Variants in MICU2 observed in about 807,000 individuals in gnomAD.
MICU2 encodes the protein mitochondrial calcium uptake 2.
MICU2 carries 64 observed loss-of-function variants against 60.4 expected under a neutral mutation model. That is an observed-to-expected ratio of 1.06 (90% confidence interval 0.87 to 1.31). MICU2 has a LOEUF of 1.31. Ranked by LOEUF, MICU2 falls within the 50% of genes most tolerant of loss-of-function variation. MICU2 has a pLI of 0.00. For synonymous variants in MICU2, 201 were observed against 175.0 expected (o/e 1.15, Z -1.17); for missense variants, 569 against 531.0 (o/e 1.07, Z -0.70).
chr13:21,588,403 A>G (rs190004151), intron 1 of MICU2, among the ~76,000 whole-genome samples: 77 of 152,148 alleles, frequency 5.1e-4, no homozygotes, highest in African/African-American at 1.7e-3. Context: ...CTTTTCCAGG[A>G]CCCTACAGCC....
chr13:21,516,450 A>G (rs1284867044), intron 6 of MICU2, among the ~76,000 whole-genome samples: 2 of 152,202 alleles, frequency 1.3e-5, no homozygotes, highest in Non-Finnish European at 2.9e-5. Flanking sequence ...ATATACCACT[A>G]TTTATTCAAT....
chr13:21,582,892 G>C (rs1208413304), intron 1 of MICU2: 1 of 177,876 alleles, frequency 5.6e-6, no homozygotes, highest in Admixed American at 6.0e-5. Context: ...CATCTGTAAG[G>C]GCGCACTCTT....
At chr13:21,545,671 CT>C (rs1268021804) in intron 2 of MICU2, among the ~76,000 whole-genome samples, 1 of 146,900 alleles carries the variant, frequency 6.8e-6, no homozygotes, top group African/African-American at 2.5e-5. Context: ...AAAACTCCAT[CT>C]AAAAAAAAAA....
intron 11 of MICU2, among the ~76,000 whole-genome samples, chr13:21,494,698 T>C (rs1468206797): frequency 2.6e-5 from 4 of 152,128 alleles, no homozygotes; most frequent in African/African-American, 4.8e-5. Flanking sequence ...TGATTTTTTT[T>C]CCCTTTTTTT....
At chr13:21,564,823 T>C (rs111974648) in intron 2 of MICU2, among the ~76,000 whole-genome samples, 7 of 152,272 alleles carry the variant, frequency 4.6e-5, no homozygotes, top group African/African-American at 1.7e-4. Context: ...CTGGCAGAGT[T>C]CCTCAAGGTA....
intron 2 of MICU2, among the ~76,000 whole-genome samples, chr13:21,557,877 T>C (rs918890938): frequency 6.6e-6 from 1 of 152,240 alleles, no homozygotes; most frequent in African/African-American, 2.4e-5. Context: ...TTATAATCTT[T>C]AATCATGGTT....
chr13:21,570,414 T>C (rs1333493339), intron 1 of MICU2, among the ~76,000 whole-genome samples: 1 of 152,212 alleles, frequency 6.6e-6, no homozygotes, highest in Non-Finnish European at 1.5e-5. Context: ...TAACCTTTTA[T>C]TCATCTGTCA....
At chr13:21,577,573 C>T (rs1200109768) in intron 1 of MICU2, among the ~76,000 whole-genome samples, 2 of 151,652 alleles carry the variant, frequency 1.3e-5, no homozygotes, top group South Asian at 2.1e-4. Context: ...TTTGGGAGGC[C>T]GATGTGGGTG....
chr13:21,533,619 G>A (rs1476934107), intron 4 of MICU2, among the ~76,000 whole-genome samples: 2 of 152,028 alleles, frequency 1.3e-5, no homozygotes, highest in South Asian at 2.1e-4. Context: ...CACTGCGCCC[G>A]GACAAGGCAG....
chr13:21,509,574 A>T (rs1350455032), intron 8 of MICU2, among the ~76,000 whole-genome samples: 1 of 152,206 alleles, frequency 6.6e-6, no homozygotes, highest in African/African-American at 2.4e-5. Context: ...CCATCAGCAG[A>T]CTGCAAATGC....
At chr13:21,495,435 TAAAACA>T in intron 10 of MICU2, 117 bp from the exon 11 acceptor site, 1 of 1,116,332 alleles carries the variant, frequency 9.0e-7, no homozygotes, top group Non-Finnish European at 1.2e-6. Flanking sequence ...ATTTGGGAAG[TAAAACA>T]AAAACAAAAA....
At chr13:21,581,384 C>T (rs1888345184) in intron 1 of MICU2, among the ~76,000 whole-genome samples, 1 of 152,166 alleles carries the variant, frequency 6.6e-6, no homozygotes, top group African/African-American at 2.4e-5. Flanking sequence ...TCCCAAAGTG[C>T]TGGGATTACA....
intron 2 of MICU2, among the ~76,000 whole-genome samples, chr13:21,559,414 T>TG (rs1331601254): frequency 1.3e-5 from 2 of 152,256 alleles, no homozygotes; most frequent in African/African-American, 4.8e-5. Flanking sequence ...CAAATATTCC[T>TG]GTTGCATATA....
chr13:21,587,965 T>C (rs1174505438), intron 1 of MICU2, among the ~76,000 whole-genome samples: 6 of 152,178 alleles, frequency 3.9e-5, no homozygotes, highest in East Asian at 1.9e-4. Flanking sequence ...TTCTGCTTTC[T>C]CTGAACATGA....
At chr13:21,552,404 C>T (rs1887594581) in intron 2 of MICU2, among the ~76,000 whole-genome samples, 1 of 152,070 alleles carries the variant, frequency 6.6e-6, no homozygotes, top group Non-Finnish European at 1.5e-5. Context: ...ATGGTAGTTT[C>T]TTTTGCTGTG....
At position 21,502,926 on chromosome 13, in the gene MICU2, C is replaced by G. The variant is rs1489256686; in HGVS notation, c.933G>C (p.Glu311Asp). The change falls in exon 9 of 12, where the codon GAG becomes GAC. Residue 311 changes from glutamate to aspartate, a missense_variant and splice_region_variant. Glu to Asp is a conservative substitution (Grantham distance 45). Transcript: ENST00000382374. Reference protein sequence around the residue: ...KNVREKLSAGESISLDEFKSF... With the variant: ...KNVREKLSAGDSISLDEFKSF... ...ATGCATAATAAAAGGGTATACCAAC[C>G]TCTCCTGCTGACAACTTCTCTCTCA... 1.2e-6 allele frequency: 2 copies of G among 1,607,818 alleles called. No homozygotes were observed. The highest frequency in any genetic ancestry group is 8.5e-7 in the Non-Finnish European group (1 of 1,178,544).
intron 1 of MICU2, among the ~76,000 whole-genome samples, chr13:21,571,567 A>C (rs941872225): frequency 6.6e-6 from 1 of 152,152 alleles, no homozygotes; most frequent in Non-Finnish European, 1.5e-5. Flanking sequence ...GCGTGGTGGC[A>C]GGAGCCTGTA....
At chr13:21,518,414 C>A (rs1054854317) in intron 6 of MICU2, among the ~76,000 whole-genome samples, 1 of 152,152 alleles carries the variant, frequency 6.6e-6, no homozygotes, top group African/African-American at 2.4e-5. Context: ...TACCACAGTG[C>A]ATCAAAACTT....
intron 1 of MICU2, among the ~76,000 whole-genome samples, chr13:21,568,280 T>C (rs1888029638): frequency 6.6e-6 from 1 of 152,192 alleles, no homozygotes; most frequent in Admixed American, 6.5e-5. Context: ...TAATTCTCTC[T>C]CTTAATTAGA....
Sources: allele counts gnomAD v4.1 joint callset (sites outside exome capture counted in the v4.1 genomes callset), GRCh38; gene constraint gnomAD v4.1.1; transcripts MANE v1.5; gene names NCBI Gene and HGNC (gene_info 2026-07-23, HGNC 2026-07-21).